GLIS3: variants seen among roughly 807,000 people sequenced by gnomAD.
The protein encoded by GLIS3 is GLIS family zinc finger 3.
A neutral mutation model predicts 78.6 loss-of-function variants in GLIS3; 53 were observed. That is an observed-to-expected ratio of 0.67 (90% CI 0.54 to 0.85). The LOEUF is 0.85. GLIS3 is among the 40% of genes least tolerant of loss of function. The pLI, the probability that GLIS3 is intolerant of heterozygous loss-of-function variation, is 0.00. For missense variants in GLIS3, 1,703 were observed against 1,231.1 expected, an observed-to-expected ratio of 1.38 and a Z score of -5.74; for synonymous variants, 684 against 509.9, an observed-to-expected ratio of 1.34 and a Z score of -4.60.
intron 2 of GLIS3, among the ~76,000 whole-genome samples, chr9:4,217,399 G>T (rs1382912909): frequency 6.6e-6 from 1 of 152,110 alleles, no homozygotes; most frequent in African/African-American, 2.4e-5. Flanking sequence ...CACCCTAAGG[G>T]CAGTCACAAC....
the GLIS3 span, among the ~76,000 whole-genome samples, chr9:4,435,822 T>A: frequency 5.3e-5 from 8 of 151,940 alleles, no homozygotes; most frequent in African/African-American, 9.7e-5. Flanking sequence ...GGTGGCAGGC[T>A]CCTGTAGTCC....
intron 2 of GLIS3, among the ~76,000 whole-genome samples, chr9:4,245,397 T>G (rs76224033): frequency 0.017 from 2,538 of 152,286 alleles, 53 homozygotes; most frequent in African/African-American, 0.058. Flanking sequence ...CTTTGCCAAA[T>G]TTCAATTATA....
intron 6 of GLIS3, among the ~76,000 whole-genome samples, chr9:3,917,084 C>T (rs1391572554): frequency 6.6e-6 from 1 of 152,144 alleles, no homozygotes; most frequent in African/African-American, 2.4e-5. Flanking sequence ...TGCAATACCA[C>T]AGAACATTTA....
the GLIS3 span, among the ~76,000 whole-genome samples, chr9:4,374,613 T>C: frequency 1.3e-5 from 2 of 152,220 alleles, no homozygotes; most frequent in Admixed American, 6.5e-5. Context: ...CTCTGTGTGG[T>C]TCCGACAAGG....
intron 2 of GLIS3, among the ~76,000 whole-genome samples, chr9:4,129,640 A>G (rs1265369780): frequency 6.6e-6 from 1 of 152,156 alleles, no homozygotes; most frequent in Admixed American, 6.6e-5. Flanking sequence ...GCCTCCCCAG[A>G]AGCTTCTATG....
At chr9:4,045,056 T>G (rs1825133220) in intron 4 of GLIS3, among the ~76,000 whole-genome samples, 1 of 152,098 alleles carries the variant, frequency 6.6e-6, no homozygotes, top group Admixed American at 6.6e-5. Flanking sequence ...AGGACTAGGG[T>G]GGAAGTCACT....
intron 2 of GLIS3, among the ~76,000 whole-genome samples, chr9:4,149,314 G>C (rs1471047161): frequency 6.6e-6 from 1 of 152,172 alleles, no homozygotes; most frequent in Admixed American, 6.5e-5. Context: ...GGAAAACTAA[G>C]GCTTGAAGAC....
chr9:4,054,946 C>T (rs1588554340), intron 4 of GLIS3, among the ~76,000 whole-genome samples: 4 of 152,156 alleles, frequency 2.6e-5, no homozygotes, highest in African/African-American at 9.7e-5. Flanking sequence ...CCCACAGCAG[C>T]TACAAATGAG....
At chr9:4,467,136 G>A in the GLIS3 span, among the ~76,000 whole-genome samples, 1 of 152,232 alleles carries the variant, frequency 6.6e-6, no homozygotes, top group Non-Finnish European at 1.5e-5. Context: ...TGGACAGGAA[G>A]CTCAAAATGG....
intron 2 of GLIS3, among the ~76,000 whole-genome samples, chr9:4,272,626 G>C (rs1826620777): frequency 6.6e-6 from 1 of 152,126 alleles, no homozygotes; most frequent in South Asian, 2.1e-4. Flanking sequence ...CTACATAATT[G>C]CTAGCTGTTT....
At chr9:4,123,149 GATTT>G (rs966498883) in intron 3 of GLIS3, among the ~76,000 whole-genome samples, 10 of 152,072 alleles carry the variant, frequency 6.6e-5, no homozygotes, top group South Asian at 4.1e-4. Flanking sequence ...AAACTTCATA[GATTT>G]ATTTATGAAA....
At chr9:4,220,829 T>C (rs1217719018) in intron 2 of GLIS3, among the ~76,000 whole-genome samples, 1 of 151,842 alleles carries the variant, frequency 6.6e-6, no homozygotes, top group Non-Finnish European at 1.5e-5. Flanking sequence ...ACAATATGTG[T>C]CTCAAATTAA....
chr9:4,057,904 A>G (rs1826281264), intron 4 of GLIS3, among the ~76,000 whole-genome samples: 1 of 152,186 alleles, frequency 6.6e-6, no homozygotes, highest in South Asian at 2.1e-4. Context: ...TCTTTTTCAC[A>G]TGTAAAAAAA....
chr9:4,257,271 G>C (rs1377703698), intron 2 of GLIS3, among the ~76,000 whole-genome samples: 1 of 152,076 alleles, frequency 6.6e-6, no homozygotes, highest in African/African-American at 2.4e-5. Flanking sequence ...CTCATATGTG[G>C]AATCTAAAAT....
At chr9:3,950,379 A>C (rs17701298) in intron 4 of GLIS3, among the ~76,000 whole-genome samples, 4,233 of 152,356 alleles carry the variant, frequency 0.028, 98 homozygotes, top group Non-Finnish European at 0.039. Flanking sequence ...ACTGGTTTTC[A>C]AATAAAGCCC....
chr9:4,055,244 G>C (rs1001429258), intron 4 of GLIS3, among the ~76,000 whole-genome samples: 51 of 152,048 alleles, frequency 3.4e-4, no homozygotes, highest in African/African-American at 1.2e-3. Context: ...CTCTTTCCTG[G>C]GCTATTCTGA....
intron 7 of GLIS3, among the ~76,000 whole-genome samples, chr9:3,882,110 G>C (rs1380129187): frequency 6.6e-6 from 1 of 152,132 alleles, no homozygotes; most frequent in African/African-American, 2.4e-5. Flanking sequence ...CCTATCATTT[G>C]GCAGACATGA....
intron 4 of GLIS3, among the ~76,000 whole-genome samples, chr9:4,078,018 G>C (rs1009735681): frequency 1.3e-5 from 2 of 151,888 alleles, no homozygotes; most frequent in Admixed American, 1.3e-4. Flanking sequence ...ATTCTTTATA[G>C]TGAGCTCTCT....
chr9:3,995,554 T>A (rs534928310), intron 4 of GLIS3, among the ~76,000 whole-genome samples: 35 of 151,980 alleles, frequency 2.3e-4, no homozygotes, highest in African/African-American at 7.2e-4. Flanking sequence ...TAAATTTTTT[T>A]AAAAAAGAAA....
Sources: allele counts gnomAD v4.1 joint callset (sites outside exome capture counted in the v4.1 genomes callset), GRCh38; gene constraint gnomAD v4.1.1; transcripts MANE v1.5; gene names NCBI Gene and HGNC (gene_info 2026-07-23, HGNC 2026-07-21).